Variants in LRRC37A2 observed in about 807,000 individuals in gnomAD.
LRRC37A2 encodes leucine rich repeat containing 37 member A2.
Under a neutral mutation model 68.8 loss-of-function variants are expected in LRRC37A2, and 9 were observed. That is an observed-to-expected ratio of 0.13 (90% CI 0.08 to 0.23). The LOEUF is 0.23. LRRC37A2 is among the 10% of genes least tolerant of loss of function. LRRC37A2 has a pLI of 1.00. For synonymous variants in LRRC37A2, 63 were observed against 367.6 expected, an observed-to-expected ratio of 0.17 and a Z score of 9.48; for missense variants, 168 against 950.4, an observed-to-expected ratio of 0.18 and a Z score of 10.82.
At chr17:46,495,177 A>G in the LRRC37A2 span, among the ~76,000 whole-genome samples, 1 of 146,340 alleles carries the variant, frequency 6.8e-6, no homozygotes, top group Non-Finnish European at 1.5e-5. Flanking sequence ...AGATGACTTC[A>G]CTTTTTAAAT....
the LRRC37A2 span, chr17:46,939,029 G>A: frequency 7.8e-7 from 1 of 1,281,356 alleles, no homozygotes; most frequent in African/African-American, 1.5e-5. Flanking sequence ...CACTGGGGGA[G>A]GGAAAGAATG....
At chr17:46,525,751 C>T (rs1406486583) in intron 6 of LRRC37A2, among the ~76,000 whole-genome samples, 1 of 93,556 alleles carries the variant, frequency 1.1e-5, no homozygotes, top group African/African-American at 4.4e-5. Flanking sequence ...GTGTCATGTC[C>T]ATTTGTGCCA....
At chr17:46,828,066 T>A in the LRRC37A2 span, among the ~76,000 whole-genome samples, 1 of 152,116 alleles carries the variant, frequency 6.6e-6, no homozygotes, top group African/African-American at 2.4e-5. Flanking sequence ...GACCTCATGA[T>A]CCGCCCACCT....
the LRRC37A2 span, among the ~76,000 whole-genome samples, chr17:47,005,302 T>G: frequency 1.3e-5 from 2 of 152,248 alleles, no homozygotes; most frequent in Non-Finnish European, 1.5e-5. Flanking sequence ...CCTCCTCTGT[T>G]GCTCACAGTG....
the LRRC37A2 span, among the ~76,000 whole-genome samples, chr17:46,880,171 C>T: frequency 4.6e-5 from 7 of 152,312 alleles, no homozygotes; most frequent in African/African-American, 1.7e-4. Context: ...CATGGATGCC[C>T]CTGCCTGCCT....
the LRRC37A2 span, among the ~76,000 whole-genome samples, chr17:47,039,126 A>G: frequency 2.0e-5 from 3 of 151,526 alleles, no homozygotes; most frequent in African/African-American, 7.3e-5. Flanking sequence ...TAGTTTTGAC[A>G]GGTATAGAAT....
At chr17:47,000,106 T>TAAAAATAA in the LRRC37A2 span, among the ~76,000 whole-genome samples, 1 of 133,906 alleles carries the variant, frequency 7.5e-6, no homozygotes, top group Non-Finnish European at 1.6e-5. Flanking sequence ...TAAAATAAAA[T>TAAAAATAA]AAAATAAAAT....
chr17:46,995,492 G>A, the LRRC37A2 span, among the ~76,000 whole-genome samples: 1 of 148,086 alleles, frequency 6.8e-6, no homozygotes, highest in Non-Finnish European at 1.5e-5. Flanking sequence ...CCAAAAAAGT[G>A]TAAATAAAAC....
chr17:46,703,692 A>C, the LRRC37A2 span, among the ~76,000 whole-genome samples: 11 of 151,418 alleles, frequency 7.3e-5, no homozygotes, highest in South Asian at 8.3e-4. Flanking sequence ...AAAAAAAAAA[A>C]AAAAAAAAAA....
At chr17:46,780,467 C>T in the LRRC37A2 span, among the ~76,000 whole-genome samples, 2 of 152,260 alleles carry the variant, frequency 1.3e-5, no homozygotes, top group Non-Finnish European at 2.9e-5. Context: ...AGCAATGCCA[C>T]ACCTGGTATA....
At chr17:46,874,853 G>A in the LRRC37A2 span, 1 of 626,754 alleles carries the variant, frequency 1.6e-6, no homozygotes, top group Non-Finnish European at 2.9e-6. Context: ...GCTGGGATTA[G>A]GGGCACGAGC....
the LRRC37A2 span, among the ~76,000 whole-genome samples, chr17:46,635,706 C>T: frequency 9.8e-6 from 1 of 102,250 alleles, no homozygotes; most frequent in Non-Finnish European, 2.1e-5. Flanking sequence ...ACGAGAGCTG[C>T]TACTGTATCC....
the LRRC37A2 span, among the ~76,000 whole-genome samples, chr17:46,863,387 G>C: frequency 1.3e-5 from 2 of 152,226 alleles, no homozygotes; most frequent in Admixed American, 6.5e-5. Context: ...TCTGGACTGG[G>C]AAAGAATGGA....
the LRRC37A2 span, among the ~76,000 whole-genome samples, chr17:46,913,809 G>C: frequency 6.6e-6 from 1 of 151,968 alleles, no homozygotes; most frequent in African/African-American, 2.4e-5. Flanking sequence ...GCCCATGCTG[G>C]AGTGCAGTGG....
chr17:46,598,515 C>T, the LRRC37A2 span, among the ~76,000 whole-genome samples: 1 of 152,192 alleles, frequency 6.6e-6, no homozygotes, highest in Non-Finnish European at 1.5e-5. Context: ...GTCCTTAAAC[C>T]TAGTCGAGGT....
At chr17:47,040,202 G>A in the LRRC37A2 span, among the ~76,000 whole-genome samples, 1 of 149,720 alleles carries the variant, frequency 6.7e-6, no homozygotes, top group Non-Finnish European at 1.5e-5. Flanking sequence ...CAGCACTTTG[G>A]GAGGCTGAGG....
At chr17:46,753,087 G>A in the LRRC37A2 span, among the ~76,000 whole-genome samples, 1 of 152,156 alleles carries the variant, frequency 6.6e-6, no homozygotes. Flanking sequence ...TCTGTTGGAT[G>A]AATAACTGTA....
chr17:46,770,846 A>T, the LRRC37A2 span, among the ~76,000 whole-genome samples: 2 of 152,182 alleles, frequency 1.3e-5, no homozygotes, highest in Admixed American at 6.5e-5. Context: ...TTCACATGGA[A>T]AGTTTTACTC....
At chr17:46,766,629 C>T in the LRRC37A2 span, among the ~76,000 whole-genome samples, 2 of 152,120 alleles carry the variant, frequency 1.3e-5, no homozygotes, top group African/African-American at 2.4e-5. Flanking sequence ...TGAGCTACAC[C>T]GAGGGGCTTC....
Sources: allele counts gnomAD v4.1 joint callset (sites outside exome capture counted in the v4.1 genomes callset), GRCh38; gene constraint gnomAD v4.1.1; transcripts MANE v1.5; gene names NCBI Gene and HGNC (gene_info 2026-07-23, HGNC 2026-07-21).